JCAD: variants seen among roughly 807,000 people sequenced by gnomAD.
JCAD encodes junctional cadherin 5-associated protein.
Under a neutral mutation model 98.0 loss-of-function variants are expected in JCAD, and 40 were observed. The observed-to-expected ratio is 0.41, with a 90% CI of 0.32 to 0.53. The LOEUF (loss-of-function observed/expected upper bound fraction) is 0.53. Among genes scored for constraint, JCAD ranks in the 20% least tolerant of loss-of-function variants. The pLI is 0.31. For missense variants in JCAD, 1,705 were observed against 1,738.1 expected (o/e 0.98, Z 0.34); for synonymous variants, 691 against 682.3 (o/e 1.01, Z -0.20).
chr10:30,027,705 G>C lies in JCAD; in HGVS notation c.2443C>G (p.Leu815Val). The change falls in exon 3 of 4, where the codon CTC becomes GTC. Residue 815 changes from leucine to valine, a missense_variant. By Grantham distance (32) the Leu-to-Val change is conservative (BLOSUM62 1). Around this residue, in one of 3 missense-constraint regions of JCAD, gnomAD observed 1,278 missense variants for 1,243.1 expected, o/e 1.03. Transcript: ENST00000375377. Reference sequence around the variant, plus strand: ...GGTTTCAGGAGAAACTGCCCAAAGAGTTGTTTACTGTTGCAAGGGCCCGTG... The same window carrying C: ...GGTTTCAGGAGAAACTGCCCAAAGACTTGTTTACTGTTGCAAGGGCCCGTG... ...EPTGPCNSKQLFGQFLLKPVS... is the reference protein window; with the variant it reads ...EPTGPCNSKQVFGQFLLKPVS... 1 of 1,614,238 alleles carries C rather than the reference G, an allele frequency of 6.2e-7. No individual in the cohort carries two copies. Among genetic ancestry groups the C allele is most frequent in the Non-Finnish European group, 8.5e-7 (1 of 1,180,048 alleles).
intron 2 of JCAD, among the ~76,000 whole-genome samples, chr10:30,042,077 A>G (rs1373820355): frequency 6.6e-6 from 1 of 152,204 alleles, no homozygotes; most frequent in Non-Finnish European, 1.5e-5. Context: ...CAAAGCCCAC[A>G]GCCAGTTTCA....
chr10:30,036,867 G>C (rs1419649918), intron 2 of JCAD, among the ~76,000 whole-genome samples: 2 of 152,254 alleles, frequency 1.3e-5, no homozygotes, highest in African/African-American at 2.4e-5. Flanking sequence ...CAGATCTGCA[G>C]TCTAGCAGAT....
intron 1 of JCAD, among the ~76,000 whole-genome samples, chr10:30,099,459 G>A (rs1335304514): frequency 6.6e-6 from 1 of 151,646 alleles, no homozygotes; most frequent in Admixed American, 6.6e-5. Flanking sequence ...CCAATTTCTT[G>A]ATATAAATAA....
intron 2 of JCAD, among the ~76,000 whole-genome samples, chr10:30,040,524 C>T (rs1402659571): frequency 6.6e-6 from 1 of 152,216 alleles, no homozygotes; most frequent in Non-Finnish European, 1.5e-5. Flanking sequence ...ACCACTCTTG[C>T]TTTCATTTAC....
Position 30,047,710 on chromosome 10 carries a change from T to C in JCAD, c.103A>G (p.Thr35Ala), listed in dbSNP as rs745903835. 7.4e-6 allele frequency: 12 copies of C among 1,614,210 alleles called. No individual in the cohort carries two copies. The highest frequency in any genetic ancestry group is 9.3e-6 in the Non-Finnish European group (11 of 1,180,030). ...DNPKGRQAARTGTRAGQGLQN... is the reference protein window; with the variant it reads ...DNPKGRQAARAGTRAGQGLQN... The stretch of plus-strand genomic sequence containing the variant: ...AGGCCCTGGCCTGCTCGTGTCCCAG[T>C]CCTCGCTGCCTGGCGCCCCTTGGGG... The change falls in exon 2 of 4, where the codon ACT becomes GCT. Residue 35 changes from threonine (T) to alanine (A), a missense_variant. This residue lies in a region of JCAD where 152 missense variants were observed against 148.0 expected (regional missense o/e 1.03). Transcript: ENST00000375377.
chr10:30,087,544 G>A (rs973063423), intron 1 of JCAD, among the ~76,000 whole-genome samples: 13 of 152,192 alleles, frequency 8.5e-5, no homozygotes, highest in African/African-American at 2.2e-4. Flanking sequence ...ACCAGTTAGT[G>A]CACACTCTTG....
intron 1 of JCAD, among the ~76,000 whole-genome samples, chr10:30,111,613 A>G (rs916053298): frequency 1.1e-4 from 16 of 152,218 alleles, no homozygotes; most frequent in African/African-American, 3.9e-4. Flanking sequence ...GTGACATGAC[A>G]TGATAAATCA....
Position 30,059,385 on chromosome 10 carries a change from G to T in JCAD, c.-60+97C>A, listed in dbSNP as rs892469809. The T allele has an allele frequency of 6.6e-6, 1 of 151,576 alleles. No homozygotes were observed. The highest frequency in any genetic ancestry group is 2.4e-5 in the African/African-American group (1 of 41,322). The allele number at this position is 151,576 out of a possible 1,614,324, so 9.4% of individuals were successfully genotyped here. ...AGCGACGTCCCAGCTGGAGAAGTTG[G>T]GGGGAGTGCGGGAGGCTGCGGGTGA... On this transcript the variant is annotated intron_variant, in intron 1 of 3. Transcript: ENST00000375377. This position sits in a 1 kb window ranked among gnomAD's most constrained non-coding sequence, Gnocchi z 5.0.
rs34060997 is a variant in JCAD, at chr10:30,068,390, C to CAAAA, written n.250+1306_250+1309dup. Among the ~76,000 whole-genome samples, 146 of 48,008 alleles carry CAAAA rather than the reference C, an allele frequency of 3.0e-3. 6 individuals carry two copies. The highest frequency in any genetic ancestry group is 7.8e-3 in the African/African-American group (95 of 12,190). 31.5% of individuals were successfully genotyped at this position (48,008 alleles called of 152,430 possible). ...TGGGTGAAAGAGCAAAACTCTGTCT[C>CAAAA]AAAAAAAAAAAAAAAAAAAAAAAAA... On this transcript the variant is annotated intron_variant and non_coding_transcript_variant, in intron 2 of 2. Transcript: ENST00000465712.
intron 1 of JCAD, among the ~76,000 whole-genome samples, chr10:30,094,793 C>G (rs73598351): frequency 6.6e-6 from 1 of 152,116 alleles, no homozygotes; most frequent in African/African-American, 2.4e-5. Flanking sequence ...CCACCTGTTC[C>G]CAGTCATTTT....
chr10:30,027,531 G>A lies in JCAD; in HGVS notation c.2617C>T (p.His873Tyr). The change falls in exon 3 of 4, where the codon CAC becomes TAC. Residue 873 changes from histidine to tyrosine, a missense_variant. This residue lies in a region of JCAD where 1,278 missense variants were observed against 1,243.1 expected (regional missense o/e 1.03). Coordinates refer to ENST00000375377, the MANE Select transcript of JCAD (RefSeq NM_020848.4). ...EAEPQQENRA[H>Y]CRQEDVGFRG... ...AAGCCCACATCCTCCTGTCTGCAGT[G>A]AGCACGGTTCTCCTGCTGCGGCTCC... 6.2e-7 allele frequency: 1 copy of A among 1,612,894 alleles called. No individual in the cohort carries two copies. Among genetic ancestry groups the A allele is most frequent in the Non-Finnish European group, 8.5e-7 (1 of 1,180,036 alleles).
intron 2 of JCAD, among the ~76,000 whole-genome samples, chr10:30,034,434 T>G (rs1422589573): frequency 5.9e-5 from 9 of 152,220 alleles, no homozygotes; most frequent in Admixed American, 5.9e-4. Context: ...ATAAGACCTG[T>G]ACTGTCTTAA....
In JCAD at chr10:30,028,523, G is replaced by A. The variant is rs1337811867; in HGVS notation, c.1625C>T (p.Ser542Phe). 1.9e-6 allele frequency: 3 copies of A among 1,614,246 alleles called. No homozygotes were observed. Among genetic ancestry groups the A allele is most frequent in the Non-Finnish European group, 1.7e-6 (2 of 1,180,048 alleles). ...SQHGHTGRQVSSPYSQGESTC... is the reference protein window; with the variant it reads ...SQHGHTGRQVFSPYSQGESTC... ...GCTCTCGCCCTGTGAGTAAGGGGAG[G>A]AAACTTGTCTTCCAGTGTGCCCGTG... is the stretch of plus-strand genomic sequence containing the variant. Residue 542 changes from serine (S) to phenylalanine (F), a missense_variant, in exon 3 of 4, where the codon TCC becomes TTC. Physicochemically the swap from Ser to Phe is radical, Grantham distance 155. Around this residue, in one of 3 missense-constraint regions of JCAD, gnomAD observed 1,278 missense variants for 1,243.1 expected, o/e 1.03. Coordinates refer to ENST00000375377, the MANE Select transcript of JCAD (RefSeq NM_020848.4).
chr10:30,079,216 C>G (rs1045566838), intron 1 of JCAD, among the ~76,000 whole-genome samples: 4 of 151,776 alleles, frequency 2.6e-5, no homozygotes, highest in African/African-American at 4.8e-5. Context: ...GCGTGGTGGC[C>G]GGCGCCTGTA....
At chr10:30,084,421 GT>G (rs2132686963) in intron 1 of JCAD, among the ~76,000 whole-genome samples, 1 of 152,314 alleles carries the variant, frequency 6.6e-6, no homozygotes, top group African/African-American at 2.4e-5. Flanking sequence ...CTGTGAGGCT[GT>G]TTTTTGAATG....
intron 2 of JCAD, among the ~76,000 whole-genome samples, chr10:30,030,616 A>G (rs890656389): frequency 1.3e-5 from 2 of 152,102 alleles, no homozygotes; most frequent in African/African-American, 4.8e-5. Context: ...AGGGTTCTGA[A>G]ACTTTAGTGA....
intron 1 of JCAD, among the ~76,000 whole-genome samples, chr10:30,048,271 T>C (rs1429857776): frequency 2.0e-5 from 3 of 152,196 alleles, no homozygotes; most frequent in African/African-American, 7.2e-5. Flanking sequence ...GACTGCTTCA[T>C]GTTTCTAAAA....
At chr10:30,086,181 C>G (rs1223303462) in intron 1 of JCAD, among the ~76,000 whole-genome samples, 1 of 151,938 alleles carries the variant, frequency 6.6e-6, no homozygotes, top group Non-Finnish European at 1.5e-5. Flanking sequence ...GGAACATGTA[C>G]AAAGTACACT....
intron 2 of JCAD, among the ~76,000 whole-genome samples, chr10:30,036,177 C>T (rs1031947527): frequency 2.6e-5 from 4 of 152,228 alleles, no homozygotes; most frequent in African/African-American, 7.2e-5. Context: ...GGCACAGTGG[C>T]TCACGCCTAT....
Sources: gnomAD v4.1 joint callset for allele counts (sites outside exome capture counted in the v4.1 genomes callset) on GRCh38, gnomAD v4.1.1 for gene constraint, gnomAD v4.1.1 regional missense constraint, Gnocchi (gnomAD v3.1) non-coding constraint, MANE v1.5 for transcripts, NCBI Gene and HGNC (gene_info 2026-07-23, HGNC 2026-07-21) for gene names.